TCTA: variants seen among roughly 807,000 people sequenced by gnomAD.
TCTA encodes the protein T cell leukemia translocation altered, also known as T-cell leukemia translocation-altered gene protein.
TCTA carries 13 observed loss-of-function variants against 13.5 expected under a neutral mutation model. The observed-to-expected ratio is 0.96, with a 90% CI of 0.63 to 1.53. TCTA has a LOEUF of 1.53. Among genes scored for constraint, TCTA ranks in the 40% most tolerant of loss-of-function variants. The pLI is 0.00. For missense variants in TCTA, 138 were observed against 131.3 expected, an observed-to-expected ratio of 1.05 and a Z score of -0.25; for synonymous variants, 58 against 59.0, an observed-to-expected ratio of 0.98 and a Z score of 0.08.
At position 49,413,117 on chromosome 3, in the gene TCTA, A is replaced by G. The variant is rs1271852920; in HGVS notation, c.269+7A>G. On this transcript the variant is annotated splice_region_variant and intron_variant, in intron 2 of 2. Coordinates refer to ENST00000273590, the MANE Select transcript of TCTA (RefSeq NM_022171.3). ...CCACGCATTTCCCTTCGTGGTGAGT[A>G]AATCTGTCCATACCGCAACCCCATG... 1 of 1,614,066 alleles carries G rather than the reference A, an allele frequency of 6.2e-7. No homozygotes were observed. The highest frequency in any genetic ancestry group is 1.3e-5 in the African/African-American group (1 of 74,934).
chr3:49,412,606 C>G lies in TCTA; in HGVS notation c.180C>G (p.Tyr60Ter). 6.2e-7 allele frequency: 1 copy of G among 1,614,192 alleles called. No individual in the cohort carries two copies. Among genetic ancestry groups the G allele is most frequent in the South Asian group, 1.1e-5 (1 of 91,074 alleles). ...GCATCCAGCTGGCGTGGGGGTTCTA[C>G]GGGAATACAGTGACCGGGTTGTATC... ...LLGIQLAWGF[Y>*]GNTVTGLYHR... is the part of the protein sequence containing the mutation. Residue 60 changes from tyrosine (Y) to a stop codon, truncating the protein, a stop_gained, in exon 1 of 3, where the codon TAC becomes TAG. Coordinates refer to ENST00000273590, the MANE Select transcript of TCTA (RefSeq NM_022171.3). LOFTEE classifies it high-confidence loss of function.
Position 49,414,991 on chromosome 3 carries a change from CTACAGGG to C in TCTA, c.*130_*136del. ...GTTGGTAGCAGGGAGTACCCAGTGC[CTACAGGG>C]CTGGGCCTCTTCTGCCTCTTAAGCC... On this transcript the variant is annotated 3_prime_UTR_variant, in exon 3 of 3. Coordinates refer to ENST00000273590, the MANE Select transcript of TCTA (RefSeq NM_022171.3). 8.7e-7 allele frequency: 1 copy of C among 1,146,912 alleles called. No individual in the cohort carries two copies. The highest frequency in any genetic ancestry group is 1.3e-6 in the Non-Finnish European group (1 of 790,232). The allele number at this position is 1,146,912 out of a possible 1,614,324, so 71.0% of individuals were successfully genotyped here. A position where few individuals can be genotyped will look rare whatever the true frequency, so the allele number is the denominator to read the frequency against.
chr3:49,412,853 C>CA, intron 1 of TCTA: 2 of 729,890 alleles, frequency 2.7e-6, no homozygotes, highest in Admixed American at 5.5e-5. Flanking sequence ...GCCACCATAC[C>CA]ATTTTACGCC....
intron 1 of TCTA, 121 bp from the exon 2 acceptor site, chr3:49,412,935 C>T: frequency 1.0e-6 from 1 of 990,622 alleles, no homozygotes; most frequent in Non-Finnish European, 1.5e-6. Flanking sequence ...ACCATTAGTC[C>T]CTTAGGACCC....
chr3:49,415,191 C>T lies in TCTA; in HGVS notation c.*329C>T, dbSNP rs761731870. ...GTCTTAGGTTTCTTTTCCTGTCCCTCTTCCATCCCCAAGATGTGACCCCAT... is the reference window on the plus strand; with the variant it reads ...GTCTTAGGTTTCTTTTCCTGTCCCTTTTCCATCCCCAAGATGTGACCCCAT... On this transcript the variant is annotated 3_prime_UTR_variant, in exon 3 of 3. Coordinates refer to ENST00000273590, the MANE Select transcript of TCTA (RefSeq NM_022171.3). 3.3e-5 allele frequency: 8 copies of T among 240,334 alleles called. No homozygotes were observed. The highest frequency in any genetic ancestry group is 4.5e-5 in the African/African-American group (2 of 44,236). 14.9% of individuals were successfully genotyped at this position (240,334 alleles called of 1,614,324 possible).
chr3:49,413,028 GCAGCTCT>G, intron 1 of TCTA, 21 bp from the exon 2 acceptor site: 2 of 1,613,166 alleles, frequency 1.2e-6, no homozygotes, highest in Non-Finnish European at 1.7e-6. Context: ...CCAGCCTTCT[GCAGCTCT>G]GGATGTGTTT....
In TCTA at chr3:49,415,769, C is replaced by T. The variant is rs1318900539; in HGVS notation, c.*907C>T. The T allele has an allele frequency of 6.6e-6, 1 of 152,298 alleles. No homozygotes were observed. The allele number at this position is 152,298 out of a possible 1,614,324, so 9.4% of individuals were successfully genotyped here. On this transcript the variant is annotated 3_prime_UTR_variant, in exon 3 of 3. Coordinates refer to ENST00000273590, the MANE Select transcript of TCTA (RefSeq NM_022171.3). ...GCACCAAACACCCACATACCTGGCC[C>T]AACCAGACTTCTCCCGTGAGCCAGG...
At chr3:49,414,512 C>A (rs557088230) in intron 2 of TCTA, among the ~76,000 whole-genome samples, 1 of 152,164 alleles carries the variant, frequency 6.6e-6, no homozygotes, top group South Asian at 2.1e-4. Context: ...CCAACCTGGG[C>A]AACAAGAGTG....
At chr3:49,413,182 G>A in intron 2 of TCTA, 72 bp downstream of exon 2, 1 of 1,571,290 alleles carries the variant, frequency 6.4e-7, no homozygotes, top group African/African-American at 1.3e-5. Context: ...GTGACAGAGA[G>A]GGGAGTTCTC....
chr3:49,413,523 G>C (rs1575299788), intron 2 of TCTA: 1 of 162,642 alleles, frequency 6.1e-6, no homozygotes, highest in African/African-American at 2.4e-5. Flanking sequence ...CCTATCACGT[G>C]ATAGGGGCCA....
At chr3:49,412,939 A>G in intron 1 of TCTA, 117 bp from the exon 2 acceptor site, 2 of 1,035,654 alleles carry the variant, frequency 1.9e-6, no homozygotes, top group South Asian at 2.8e-5. Context: ...TTAGTCCCTT[A>G]GGACCCTCAC....
At chr3:49,414,792 C>T in intron 2 of TCTA, 28 bp from the exon 3 acceptor site, 2 of 1,613,708 alleles carry the variant, frequency 1.2e-6, no homozygotes, top group South Asian at 1.1e-5. Flanking sequence ...AATAACCACT[C>T]TCTCTTCTCT....
intron 2 of TCTA, 90 bp from the exon 3 acceptor site, chr3:49,414,730 C>A: frequency 6.6e-7 from 1 of 1,509,350 alleles, no homozygotes; most frequent in Non-Finnish European, 9.1e-7. Flanking sequence ...CCTAGCTCAG[C>A]CCCCAAGAAG....
chr3:49,415,958 G>A lies in TCTA; in HGVS notation c.*1096G>A, dbSNP rs1207171098. The A allele has an allele frequency of 6.6e-6, 1 of 152,220 alleles. No homozygotes were observed. Among genetic ancestry groups the A allele is most frequent in the Non-Finnish European group, 1.5e-5 (1 of 68,118 alleles). 9.4% of individuals were successfully genotyped at this position (152,220 alleles called of 1,614,324 possible). The stretch of plus-strand genomic sequence containing the variant: ...GGGTCTGCACCTTGTCCCCTCATAG[G>A]ATGGTACCAAGCATTTAGTGCACAG... On this transcript the variant is annotated 3_prime_UTR_variant, in exon 3 of 3. Coordinates refer to ENST00000273590, the MANE Select transcript of TCTA (RefSeq NM_022171.3).
chr3:49,414,933 C>T lies in TCTA; in HGVS notation c.*71C>T. On this transcript the variant is annotated 3_prime_UTR_variant, in exon 3 of 3. Transcript: ENST00000273590. The stretch of plus-strand genomic sequence containing the variant: ...CTTCTACACTGGGTTCTGCTACTCC[C>T]CAGACCTCAGGGACAACTGCCGGGG... 6.3e-7 allele frequency: 1 copy of T among 1,597,244 alleles called. No homozygotes were observed. The highest frequency in any genetic ancestry group is 8.6e-7 in the Non-Finnish European group (1 of 1,166,162).
Position 49,412,491 on chromosome 3 carries a change from G to T in TCTA, c.65G>T (p.Gly22Val). 1 of 1,614,026 alleles carries T rather than the reference G, an allele frequency of 6.2e-7. No homozygotes were observed. The highest frequency in any genetic ancestry group is 8.5e-7 in the Non-Finnish European group (1 of 1,180,008). Reference protein sequence around the residue: ...ALPATVLGALGSEFLREWEAQ... With the variant: ...ALPATVLGALVSEFLREWEAQ... Reference sequence around the variant, plus strand: ...CCGGCCACGGTGCTGGGCGCGCTGGGCAGCGAGTTCTTGCGGGAGTGGGAG... The same window carrying T: ...CCGGCCACGGTGCTGGGCGCGCTGGTCAGCGAGTTCTTGCGGGAGTGGGAG... Residue 22 changes from glycine to valine, a missense_variant, in exon 1 of 3, where the codon GGC becomes GTC. Gly to Val is a moderately radical substitution (Grantham distance 109). Coordinates refer to ENST00000273590, the MANE Select transcript of TCTA (RefSeq NM_022171.3).
Position 49,413,078 on chromosome 3 carries a change from C to G in TCTA, c.237C>G (p.Ser79=), listed in dbSNP as rs766615654. ...CAGGTCTGGGTGGTCAGAATGGATC[C>G]ACGCCTGATGGCTCCACGCATTTCC... ...HRPGLGGQNG[S]TPDGSTHFPS... The change falls in exon 2 of 3, where the codon TCC becomes TCG. Residue 79 remains serine (S), a synonymous_variant. Coordinates refer to ENST00000273590, the MANE Select transcript of TCTA (RefSeq NM_022171.3). The G allele has an allele frequency of 1.2e-6, 2 of 1,614,170 alleles. No homozygotes were observed. The highest frequency in any genetic ancestry group is 4.5e-5 in the East Asian group (2 of 44,876).
rs774898852 is a variant in TCTA at position 49,412,605 on chromosome 3, A to G, written c.179A>G (p.Tyr60Cys). 16 of 1,614,076 alleles carry G rather than the reference A, an allele frequency of 9.9e-6. No individual in the cohort carries two copies. Among genetic ancestry groups the G allele is most frequent in the African/African-American group, 2.7e-5 (2 of 74,928 alleles). ...LLGIQLAWGFYGNTVTGLYHR... is the reference protein window; with the variant it reads ...LLGIQLAWGFCGNTVTGLYHR... ...GGCATCCAGCTGGCGTGGGGGTTCTACGGGAATACAGTGACCGGGTTGTAT... is the reference window on the plus strand; with the variant it reads ...GGCATCCAGCTGGCGTGGGGGTTCTGCGGGAATACAGTGACCGGGTTGTAT... Residue 60 changes from tyrosine (Y) to cysteine (C), a missense_variant, in exon 1 of 3, where the codon TAC becomes TGC. Coordinates refer to ENST00000273590, the MANE Select transcript of TCTA (RefSeq NM_022171.3).
intron 2 of TCTA, among the ~76,000 whole-genome samples, chr3:49,413,633 A>G (rs1397126158): frequency 1.3e-5 from 2 of 152,098 alleles, no homozygotes; most frequent in African/African-American, 4.8e-5. Flanking sequence ...GTGGTCAGGG[A>G]AGGCTTCTCC....
Sources: gnomAD v4.1 joint callset for allele counts (sites outside exome capture counted in the v4.1 genomes callset) on GRCh38, gnomAD v4.1.1 for gene constraint, MANE v1.5 for transcripts, NCBI Gene and HGNC (gene_info 2026-07-23, HGNC 2026-07-21) for gene names.